The following CDH13 variants were observed in gnomAD, a reference collection of about 807,000 sequenced individuals.
CDH13 encodes cadherin-13.
In CDH13, 24 loss-of-function variants were observed where a neutral mutation model predicts 63.8. The observed-to-expected ratio is 0.38, with a 90% CI of 0.27 to 0.53. CDH13 has a LOEUF of 0.53. Among genes scored for constraint, CDH13 ranks in the 20% least tolerant of loss-of-function variants. The pLI, the probability that CDH13 is intolerant of heterozygous loss-of-function variation, is 0.85. For synonymous variants in CDH13, 503 were observed against 355.3 expected, an observed-to-expected ratio of 1.42 and a Z score of -4.67; for missense variants, 1,049 against 903.1, an observed-to-expected ratio of 1.16 and a Z score of -2.07.
intron 1 of CDH13, among the ~76,000 whole-genome samples, chr16:82,630,987 A>G (rs996977875): frequency 3.3e-5 from 5 of 152,198 alleles, no homozygotes; most frequent in Non-Finnish European, 5.9e-5. Flanking sequence ...AAACAAAACT[A>G]TTCTCCTTAT....
intron 6 of CDH13, among the ~76,000 whole-genome samples, chr16:83,475,608 GTC>G (rs1373646210): frequency 6.6e-6 from 1 of 152,132 alleles, no homozygotes; most frequent in East Asian, 1.9e-4. Flanking sequence ...TTGAGACAGG[GTC>G]TCTCTCTGTC....
chr16:83,583,695 G>C (rs1464135428), intron 7 of CDH13, among the ~76,000 whole-genome samples: 1 of 151,420 alleles, frequency 6.6e-6, no homozygotes, highest in African/African-American at 2.4e-5. Context: ...ATCACCTGAG[G>C]TCAGGAGTTT....
At chr16:82,842,637 T>C (rs2039082623) in intron 1 of CDH13, among the ~76,000 whole-genome samples, 1 of 152,128 alleles carries the variant, frequency 6.6e-6, no homozygotes, top group Non-Finnish European at 1.5e-5. Flanking sequence ...AATTTTCCCA[T>C]GTACCAGGGA....
chr16:83,708,459 C>T (rs1020688291), intron 10 of CDH13, among the ~76,000 whole-genome samples: 4 of 152,174 alleles, frequency 2.6e-5, no homozygotes, highest in African/African-American at 9.7e-5. Flanking sequence ...TTACTCACCC[C>T]TCAGCATGCT....
chr16:83,326,701 A>T (rs1426073095), intron 5 of CDH13, among the ~76,000 whole-genome samples: 1 of 152,096 alleles, frequency 6.6e-6, no homozygotes, highest in African/African-American at 2.4e-5. Flanking sequence ...TGCAGAAGGG[A>T]TGTTATGAGC....
At chr16:83,428,716 G>A (rs185182702) in intron 6 of CDH13, among the ~76,000 whole-genome samples, 42 of 152,310 alleles carry the variant, frequency 2.8e-4, no homozygotes, top group African/African-American at 9.6e-4. Context: ...ATCGGTTTGC[G>A]ATTCTCTTCT....
chr16:82,748,809 G>C (rs559000876), intron 1 of CDH13, among the ~76,000 whole-genome samples: 1 of 152,210 alleles, frequency 6.6e-6, no homozygotes, highest in East Asian at 1.9e-4. Context: ...CTATGTTTCT[G>C]TTTCCCAGCA....
chr16:83,578,313 T>G (rs1216124942), intron 7 of CDH13, among the ~76,000 whole-genome samples: 1 of 152,182 alleles, frequency 6.6e-6, no homozygotes, highest in Non-Finnish European at 1.5e-5. Flanking sequence ...ATGGGAAAAT[T>G]TGCTGGGACT....
chr16:82,903,213 C>G (rs2041526962), intron 2 of CDH13, among the ~76,000 whole-genome samples: 1 of 152,216 alleles, frequency 6.6e-6, no homozygotes, highest in African/African-American at 2.4e-5. Context: ...TCAGAAACAG[C>G]AGCAGTAATG....
intron 3 of CDH13, among the ~76,000 whole-genome samples, chr16:83,050,338 A>T (rs4077971): frequency 6.6e-6 from 1 of 152,112 alleles, no homozygotes. Flanking sequence ...TCATATGATA[A>T]TTCTATATTC....
intron 2 of CDH13, among the ~76,000 whole-genome samples, chr16:82,859,960 G>T (rs993856798): frequency 1.3e-5 from 2 of 152,190 alleles, no homozygotes; most frequent in Non-Finnish European, 2.9e-5. Flanking sequence ...TCCAATATGT[G>T]ATTTCCTGCT....
intron 1 of CDH13, among the ~76,000 whole-genome samples, chr16:82,719,962 A>G (rs1395763313): frequency 6.6e-6 from 1 of 152,018 alleles, no homozygotes; most frequent in African/African-American, 2.4e-5. Flanking sequence ...AAGCAATTTT[A>G]CTGTATGCTA....
chr16:83,570,780 A>G (rs1904514567), intron 7 of CDH13, among the ~76,000 whole-genome samples: 1 of 141,188 alleles, frequency 7.1e-6, no homozygotes, highest in African/African-American at 2.6e-5. Context: ...TGAATAAAAT[A>G]TATTTTATAT....
At chr16:83,356,116 A>G (rs539272053) in intron 6 of CDH13, among the ~76,000 whole-genome samples, 25 of 152,010 alleles carry the variant, frequency 1.6e-4, no homozygotes, top group Non-Finnish European at 2.5e-4. Flanking sequence ...TCCTTTAACT[A>G]TTTCACCCGT....
chr16:83,009,461 T>C (rs1220452293), intron 2 of CDH13, among the ~76,000 whole-genome samples: 1 of 152,206 alleles, frequency 6.6e-6, no homozygotes, highest in African/African-American at 2.4e-5. Flanking sequence ...TTACATTCTC[T>C]CACTTTTTTT....
chr16:83,645,036 A>G (rs894374052), intron 8 of CDH13, among the ~76,000 whole-genome samples: 1 of 152,202 alleles, frequency 6.6e-6, no homozygotes, highest in Non-Finnish European at 1.5e-5. Flanking sequence ...TTCTATGCTC[A>G]CATCCACTCC....
chr16:83,703,608 G>A (rs1157872982), intron 10 of CDH13, among the ~76,000 whole-genome samples: 2 of 152,150 alleles, frequency 1.3e-5, no homozygotes, highest in African/African-American at 4.8e-5. Flanking sequence ...GGGCTTTCAG[G>A]CTCCTGGAAT....
intron 3 of CDH13, among the ~76,000 whole-genome samples, chr16:83,054,502 C>T (rs967802619): frequency 6.6e-6 from 1 of 152,136 alleles, no homozygotes; most frequent in Non-Finnish European, 1.5e-5. Context: ...CGGACAAAGC[C>T]ATGATTCATG....
chr16:82,976,978 T>C (rs1414838377), intron 2 of CDH13, among the ~76,000 whole-genome samples: 1 of 152,188 alleles, frequency 6.6e-6, no homozygotes, highest in African/African-American at 2.4e-5. Flanking sequence ...CTTTGTCCTG[T>C]CTATTATACA....
Sources: gnomAD v4.1 joint callset for allele counts (sites outside exome capture counted in the v4.1 genomes callset) on GRCh38, gnomAD v4.1.1 for gene constraint, MANE v1.5 for transcripts, NCBI Gene and HGNC (gene_info 2026-07-23, HGNC 2026-07-21) for gene names.